TMEM132E: variants seen among roughly 807,000 people sequenced by gnomAD.
The protein encoded by TMEM132E is transmembrane protein 132E.
In TMEM132E, 49 loss-of-function variants were observed where a neutral mutation model predicts 78.5. The ratio of observed to expected loss-of-function variants is 0.62; its 90% confidence interval spans 0.50 to 0.79. TMEM132E has a LOEUF of 0.79. Ranked by LOEUF, TMEM132E falls within the 30% of genes least tolerant of loss-of-function variation. TMEM132E has a pLI of 0.00. For missense variants in TMEM132E, 1,403 were observed against 1,470.9 expected, an observed-to-expected ratio of 0.95 and a Z score of 0.75; for synonymous variants, 715 against 670.6, an observed-to-expected ratio of 1.07 and a Z score of -1.02.
chr17:34,627,107 C>A, intron 2 of TMEM132E, 50 bp downstream of exon 2: 17 of 805,494 alleles, frequency 2.1e-5, no homozygotes, highest in East Asian at 7.4e-5. Flanking sequence ...AGATCAAATG[C>A]ATACCTGACT....
chr17:34,613,221 G>GCGCGCGCA (rs1567716046), intron 1 of TMEM132E, among the ~76,000 whole-genome samples: 2 of 144,350 alleles, frequency 1.4e-5, no homozygotes, highest in East Asian at 2.0e-4. Context: ...ACGCGCGCGC[G>GCGCGCGCA]CGCGCGTTCT....
intron 1 of TMEM132E, among the ~76,000 whole-genome samples, chr17:34,623,550 A>G (rs1277433297): frequency 6.6e-6 from 1 of 152,156 alleles, no homozygotes; most frequent in Non-Finnish European, 1.5e-5. Context: ...CCATACATGC[A>G]GCAGTGCCCC....
At chr17:34,583,583 C>G (rs1424971232) in intron 1 of TMEM132E, among the ~76,000 whole-genome samples, 1 of 152,154 alleles carries the variant, frequency 6.6e-6, no homozygotes, top group Non-Finnish European at 1.5e-5. Flanking sequence ...GTTGGGGTTC[C>G]GGGGCTTTTC....
intron 1 of TMEM132E, among the ~76,000 whole-genome samples, chr17:34,619,840 C>A (rs554355664): frequency 6.6e-6 from 1 of 152,240 alleles, no homozygotes; most frequent in Non-Finnish European, 1.5e-5. Context: ...CAAGTGCTAA[C>A]AGATCCCTAA....
In TMEM132E at chr17:34,630,048, C is replaced by T. The variant is rs1907302160; in HGVS notation, c.1379C>T (p.Thr460Ile). 3 of 1,612,976 alleles carry T rather than the reference C, an allele frequency of 1.9e-6. No individual in the cohort carries two copies. The highest frequency in any genetic ancestry group is 1.7e-6 in the Non-Finnish European group (2 of 1,179,108). The change falls in exon 5 of 9, where the codon ACA (threonine) becomes ATA (isoleucine). Residue 460 changes from threonine (T) to isoleucine (I), a missense_variant. Around this residue, in one of 3 missense-constraint regions of TMEM132E, gnomAD observed 888 missense variants for 952.8 expected, o/e 0.93. Transcript: ENST00000631683. ...AACACGGCCATTCTGACTGGCCGGA[C>T]AGTGGCCATCCCTGTCAAGGTCATT... Reference protein sequence around the residue: ...IINTAILTGRTVAIPVKVIAI... With the variant: ...IINTAILTGRIVAIPVKVIAI...
intron 7 of TMEM132E, chr17:34,635,806 G>A (rs1371946061): frequency 7.0e-6 from 3 of 425,882 alleles, no homozygotes; most frequent in Non-Finnish European, 1.2e-5. Flanking sequence ...TGGCTCCTGT[G>A]AGCCCCCGAC....
intron 1 of TMEM132E, among the ~76,000 whole-genome samples, chr17:34,611,775 C>CT (rs1906601470): frequency 6.6e-6 from 1 of 152,180 alleles, no homozygotes; most frequent in Admixed American, 6.6e-5. Context: ...GGTTCAAAGA[C>CT]TAAGTGTCTT....
At chr17:34,581,851 C>T (rs1390708666) in intron 1 of TMEM132E, among the ~76,000 whole-genome samples, 3 of 151,662 alleles carry the variant, frequency 2.0e-5, no homozygotes, top group African/African-American at 7.3e-5. Flanking sequence ...CCGGGCTCCG[C>T]GGTAAAGGGG....
intron 7 of TMEM132E, among the ~76,000 whole-genome samples, chr17:34,635,295 C>T (rs1907483754): frequency 6.6e-6 from 1 of 152,178 alleles, no homozygotes; most frequent in African/African-American, 2.4e-5. Context: ...TATCAATCCT[C>T]AGTGTGGGTG....
chr17:34,582,042 T>C (rs903621580), intron 1 of TMEM132E, among the ~76,000 whole-genome samples: 1 of 149,988 alleles, frequency 6.7e-6, no homozygotes, highest in Non-Finnish European at 1.5e-5. Context: ...CAGACCGAGG[T>C]GGGAGGGAGA....
intron 1 of TMEM132E, among the ~76,000 whole-genome samples, chr17:34,607,877 G>C (rs1257113999): frequency 5.3e-5 from 8 of 152,068 alleles, no homozygotes; most frequent in African/African-American, 1.9e-4. Flanking sequence ...CTGAAGTTGG[G>C]GTGTACCACT....
intron 1 of TMEM132E, among the ~76,000 whole-genome samples, chr17:34,612,453 G>T (rs766467842): frequency 1.1e-4 from 16 of 152,234 alleles, no homozygotes; most frequent in Non-Finnish European, 1.9e-4. Flanking sequence ...CCCAACTGTG[G>T]AGCCCCGGCA....
rs141166592 is a variant in TMEM132E, at chr17:34,607,335, G to A, written c.68-18792G>A. ...ATGGCAACATGGTGCCAGGTGACACGTGCTCAGGCAGAGAAGGATGGGGGA... is the reference window on the plus strand; with the variant it reads ...ATGGCAACATGGTGCCAGGTGACACATGCTCAGGCAGAGAAGGATGGGGGA... On this transcript the variant is annotated intron_variant, in intron 1 of 8. Coordinates refer to ENST00000631683, the MANE Select transcript of TMEM132E (RefSeq NM_001304438.2). Among the ~76,000 whole-genome samples, 348 of 152,326 alleles carry A rather than the reference G, an allele frequency of 2.3e-3. 5 individuals carry two copies. Among genetic ancestry groups the A allele is most frequent in the African/African-American group, 7.7e-3 (320 of 41,574 alleles).
At chr17:34,624,856 T>A (rs1907070578) in intron 1 of TMEM132E, among the ~76,000 whole-genome samples, 1 of 152,240 alleles carries the variant, frequency 6.6e-6, no homozygotes, top group South Asian at 2.1e-4. Flanking sequence ...CTTATTTGAT[T>A]CTGAGAAACA....
In TMEM132E at chr17:34,630,169, G is replaced by A; in HGVS notation, c.1482+18G>A. 6.2e-7 allele frequency: 1 copy of A among 1,602,988 alleles called. No individual in the cohort carries two copies. On this transcript the variant is annotated intron_variant, in intron 5 of 8. Transcript: ENST00000631683. Reference sequence around the variant, plus strand: ...TCATCAAGGTGGGCATCCTGGAGGTGGGGCCCCTGGGGAAGAAGCCCTAGG... The same window carrying A: ...TCATCAAGGTGGGCATCCTGGAGGTAGGGCCCCTGGGGAAGAAGCCCTAGG...
At chr17:34,636,785 C>T (rs1246972876) in intron 8 of TMEM132E, among the ~76,000 whole-genome samples, 1 of 152,232 alleles carries the variant, frequency 6.6e-6, no homozygotes, top group Non-Finnish European at 1.5e-5. Flanking sequence ...GTATTCTCAA[C>T]AGCCTGTTGT....
Position 34,638,259 on chromosome 17 carries a change from C to CA in TMEM132E, c.*27_*28insA. 2.0e-6 allele frequency: 3 copies of CA among 1,471,534 alleles called. No individual in the cohort carries two copies. The highest frequency in any genetic ancestry group is 1.4e-5 in the South Asian group (1 of 71,284). 91.2% of individuals were successfully genotyped at this position (1,471,534 alleles called of 1,614,324 possible). A position where few individuals can be genotyped will look rare whatever the true frequency, so the allele number is the denominator to read the frequency against. On this transcript the variant is annotated 3_prime_UTR_variant, in exon 9 of 9. Coordinates refer to ENST00000631683, the MANE Select transcript of TMEM132E (RefSeq NM_001304438.2). ...GGCGCCAGCCGGAGTAGCAGGGACC[C>CA]CCCCCCCCAACGGGGTCAGCTCGGG...
chr17:34,579,901 G>C lies in TMEM132E; in HGVS notation c.-1176G>C, dbSNP rs948204066. Reference sequence around the variant, plus strand: ...TCCGCTCGCCCAAACTGACTCGGAGGGAGCGGGAGCCGATGCCCGGCAGCA... The same window carrying C: ...TCCGCTCGCCCAAACTGACTCGGAGCGAGCGGGAGCCGATGCCCGGCAGCA... On this transcript the variant is annotated 5_prime_UTR_variant, in exon 1 of 9. Transcript: ENST00000631683. 1 of 152,218 alleles carries C rather than the reference G, an allele frequency of 6.6e-6. No homozygotes were observed. Among genetic ancestry groups the C allele is most frequent in the East Asian group, 1.9e-4 (1 of 5,170 alleles). The allele number at this position is 152,218 out of a possible 1,614,324, so 9.4% of individuals were successfully genotyped here. A position where few individuals can be genotyped will look rare whatever the true frequency, so the allele number is the denominator to read the frequency against.
intron 1 of TMEM132E, among the ~76,000 whole-genome samples, chr17:34,624,718 T>C (rs12952673): frequency 0.23 from 34,219 of 152,052 alleles, 4,319 homozygotes; most frequent in East Asian, 0.27. Context: ...TCCTGACGCC[T>C]TGTGTAGGGG....
Sources: gnomAD v4.1 joint callset for allele counts (sites outside exome capture counted in the v4.1 genomes callset) on GRCh38, gnomAD v4.1.1 for gene constraint, gnomAD v4.1.1 regional missense constraint, MANE v1.5 for transcripts, NCBI Gene and HGNC (gene_info 2026-07-23, HGNC 2026-07-21) for gene names.